Variants in SNX9 observed in about 807,000 individuals in gnomAD.
SNX9 encodes sorting nexin 9.
A neutral mutation model predicts 89.4 loss-of-function variants in SNX9; 44 were observed. The observed-to-expected ratio is 0.49, with a 90% confidence interval of 0.39 to 0.63. The LOEUF (loss-of-function observed/expected upper bound fraction) is 0.63. Among genes scored for constraint, SNX9 ranks in the 30% least tolerant of loss-of-function variants. SNX9 has a pLI of 0.00. For missense variants in SNX9, 578 were observed against 736.1 expected (o/e 0.79, Z 2.49); for synonymous variants, 236 against 247.8 (o/e 0.95, Z 0.45).
intron 11 of SNX9, 61 bp downstream of exon 11, chr6:157,927,275 G>T: frequency 8.0e-7 from 1 of 1,246,068 alleles, no homozygotes; most frequent in Non-Finnish European, 1.2e-6. Context: ...TTGGCCATCA[G>T]GCTTCAGCCA....
chr6:157,923,033 G>A (rs1783614729), intron 10 of SNX9, among the ~76,000 whole-genome samples: 1 of 152,164 alleles, frequency 6.6e-6, no homozygotes. Context: ...TTTTCTGCAT[G>A]GTGGAGTTAA....
chr6:157,869,441 CTTCTCTGTAT>C (rs1200842178), intron 2 of SNX9, among the ~76,000 whole-genome samples: 1 of 152,216 alleles, frequency 6.6e-6, no homozygotes, highest in Non-Finnish European at 1.5e-5. Context: ...CCTACTCCTA[CTTCTCTGTAT>C]TTCTCTGTAT....
At chr6:157,850,590 CT>C (rs1438905859) in intron 1 of SNX9, among the ~76,000 whole-genome samples, 15 of 151,944 alleles carry the variant, frequency 9.9e-5, no homozygotes, top group African/African-American at 3.6e-4. Flanking sequence ...CTTGGCTTCT[CT>C]TTTTTTTCCA....
chr6:157,893,637 A>T (rs997829546), intron 4 of SNX9, among the ~76,000 whole-genome samples: 4 of 140,794 alleles, frequency 2.8e-5, no homozygotes, highest in Non-Finnish European at 4.7e-5. Flanking sequence ...TGTGTGTATA[A>T]GACTCAAATA....
intron 13 of SNX9, among the ~76,000 whole-genome samples, chr6:157,935,586 CG>C (rs1783907172): frequency 6.6e-6 from 1 of 152,124 alleles, no homozygotes; most frequent in Non-Finnish European, 1.5e-5. Flanking sequence ...AGTTCTGTGC[CG>C]TATGGACCTT....
At chr6:157,923,082 C>T (rs1783615864) in intron 10 of SNX9, among the ~76,000 whole-genome samples, 2 of 151,964 alleles carry the variant, frequency 1.3e-5, no homozygotes, top group Non-Finnish European at 2.9e-5. Flanking sequence ...TTTTTAAATG[C>T]CACCTTCAAA....
chr6:157,935,214 T>A (rs1783898813), intron 13 of SNX9, among the ~76,000 whole-genome samples: 1 of 152,178 alleles, frequency 6.6e-6, no homozygotes, highest in African/African-American at 2.4e-5. Flanking sequence ...AGTTGATCCT[T>A]ATGGAAGTAT....
chr6:157,907,985 G>T (rs1053796322), intron 7 of SNX9, among the ~76,000 whole-genome samples: 1 of 152,134 alleles, frequency 6.6e-6, no homozygotes, highest in African/African-American at 2.4e-5. Context: ...TGTTCTCAGA[G>T]ATTTTAGTCT....
chr6:157,848,211 T>C (rs1231962202), intron 1 of SNX9, among the ~76,000 whole-genome samples: 1 of 152,196 alleles, frequency 6.6e-6, no homozygotes, highest in African/African-American at 2.4e-5. Flanking sequence ...TGGTACTAAC[T>C]GCCTATTCAA....
At chr6:157,882,661 C>T (rs578216453) in intron 4 of SNX9, among the ~76,000 whole-genome samples, 1 of 152,254 alleles carries the variant, frequency 6.6e-6, no homozygotes, top group African/African-American at 2.4e-5. Context: ...AGAAGATGTT[C>T]ATGAAGGAAG....
At position 157,901,473 on chromosome 6, in the gene SNX9, G is replaced by A. The variant is rs192020354; in HGVS notation, c.473-425G>A. Among the ~76,000 whole-genome samples, 844 of 152,254 alleles carry A rather than the reference G, an allele frequency of 5.5e-3. 9 individuals are homozygous for A. Among genetic ancestry groups the A allele is most frequent in the Non-Finnish European group, 9.8e-3 (670 of 68,028 alleles). The stretch of plus-strand genomic sequence containing the variant: ...CCTTCTAGGAGTTGTGTGGTTTCAG[G>A]TCTTCCATTTAGGTCTGTAATCTAT... On this transcript the variant is annotated intron_variant, in intron 5 of 17. Coordinates refer to ENST00000392185, the MANE Select transcript of SNX9 (RefSeq NM_016224.5).
In SNX9 at chr6:157,906,105, T is replaced by G. The variant is rs373358555; in HGVS notation, c.621-23T>G. 14 of 1,597,960 alleles carry G rather than the reference T, an allele frequency of 8.8e-6. No individual in the cohort carries two copies. The highest frequency in any genetic ancestry group is 1.2e-5 in the Non-Finnish European group (14 of 1,169,378). On this transcript the variant is annotated intron_variant, in intron 6 of 17. Transcript: ENST00000392185. Reference sequence around the variant, plus strand: ...CTTACAAGGAAAGTCTTAAGACTGATGAACATTTATATTCATGATTAGATT... The same window carrying G: ...CTTACAAGGAAAGTCTTAAGACTGAGGAACATTTATATTCATGATTAGATT...
chr6:157,927,959 C>T (rs927825791), intron 11 of SNX9, among the ~76,000 whole-genome samples: 13 of 150,472 alleles, frequency 8.6e-5, no homozygotes, highest in South Asian at 4.3e-4. Flanking sequence ...ACACATAACC[C>T]TTCAACCACG....
At chr6:157,907,583 C>T (rs551733616) in intron 7 of SNX9, among the ~76,000 whole-genome samples, 8 of 152,226 alleles carry the variant, frequency 5.3e-5, no homozygotes, top group Admixed American at 3.3e-4. Context: ...TGCGCCCGGC[C>T]TGCCTCACAT....
At chr6:157,834,759 G>T (rs1222783553) in intron 1 of SNX9, among the ~76,000 whole-genome samples, 4 of 152,086 alleles carry the variant, frequency 2.6e-5, no homozygotes, top group Non-Finnish European at 5.9e-5. Flanking sequence ...GCATGCTCTG[G>T]TGATGTGACG....
At chr6:157,942,559 C>T (rs560178095) in intron 17 of SNX9, among the ~76,000 whole-genome samples, 109 of 152,254 alleles carry the variant, frequency 7.2e-4, no homozygotes, top group Non-Finnish European at 1.1e-3. Flanking sequence ...CATGTGTAGA[C>T]GCCTCCCGGC....
chr6:157,906,267 G>A (rs1783213912), intron 7 of SNX9, 55 bp downstream of exon 7: 17 of 1,366,100 alleles, frequency 1.2e-5, no homozygotes, highest in Non-Finnish European at 1.6e-5. Context: ...TTCTTATACC[G>A]TACTTTAAAG....
intron 16 of SNX9, among the ~76,000 whole-genome samples, chr6:157,940,531 C>T (rs1363828069): frequency 6.6e-6 from 1 of 152,204 alleles, no homozygotes; most frequent in Non-Finnish European, 1.5e-5. Flanking sequence ...AATTCTCCTG[C>T]CTCGGCCTCC....
chr6:157,932,137 T>C (rs1417902817), intron 12 of SNX9, 58 bp from the exon 13 acceptor site: 2 of 1,457,152 alleles, frequency 1.4e-6, no homozygotes, highest in Non-Finnish European at 1.9e-6. Flanking sequence ...TAGGAAATAG[T>C]TTAATCCCAT....
Sources: allele counts gnomAD v4.1 joint callset (sites outside exome capture counted in the v4.1 genomes callset), GRCh38; gene constraint gnomAD v4.1.1; transcripts MANE v1.5; gene names NCBI Gene and HGNC (gene_info 2026-07-23, HGNC 2026-07-21).